CUX2: variants seen among roughly 807,000 people sequenced by gnomAD.
CUX2 encodes the protein cut like homeobox 2, also known as homeobox protein cut-like 2.
Under a neutral mutation model 144.8 loss-of-function variants are expected in CUX2, and 40 were observed. That is an observed-to-expected ratio of 0.28 (90% confidence interval 0.21 to 0.36). CUX2 has a LOEUF of 0.36. Among genes scored for constraint, CUX2 ranks in the 10% least tolerant of loss-of-function variants. CUX2 has a pLI of 1.00. For missense variants in CUX2, 1,615 were observed against 1,994.0 expected, an observed-to-expected ratio of 0.81 and a Z score of 3.62; for synonymous variants, 827 against 875.6, an observed-to-expected ratio of 0.94 and a Z score of 0.98.
chr12:111,145,909 A>T (rs534832281), intron 1 of CUX2, among the ~76,000 whole-genome samples: 7 of 150,894 alleles, frequency 4.6e-5, no homozygotes, highest in Non-Finnish European at 7.4e-5. Context: ...GTTTCACCAT[A>T]TTGGCCAGGC....
intron 4 of CUX2, among the ~76,000 whole-genome samples, chr12:111,267,810 TTC>T (rs1020476680): frequency 1.3e-5 from 2 of 151,734 alleles, no homozygotes; most frequent in African/African-American, 2.4e-5. Context: ...TCCCTCTCCT[TTC>T]TCTCTCTCTC....
intron 21 of CUX2, among the ~76,000 whole-genome samples, chr12:111,345,311 C>T (rs1888746509): frequency 6.7e-6 from 1 of 150,074 alleles, no homozygotes; most frequent in Non-Finnish European, 1.5e-5. Flanking sequence ...AGCATGGTGA[C>T]GTGCACCTGT....
At chr12:111,072,995 T>G (rs1438324553) in intron 1 of CUX2, among the ~76,000 whole-genome samples, 1 of 152,234 alleles carries the variant, frequency 6.6e-6, no homozygotes, top group Non-Finnish European at 1.5e-5. Context: ...ATGGTCCACT[T>G]AAGAGATAAA....
chr12:111,259,194 A>G (rs1455051451), intron 3 of CUX2, among the ~76,000 whole-genome samples: 6 of 152,022 alleles, frequency 3.9e-5, no homozygotes, highest in Non-Finnish European at 1.5e-5. Context: ...GAGCCACTGT[A>G]CCTGGCCTCA....
intron 1 of CUX2, among the ~76,000 whole-genome samples, chr12:111,115,548 A>G (rs1249389487): frequency 6.6e-6 from 1 of 151,892 alleles, no homozygotes; most frequent in Admixed American, 6.6e-5. Context: ...GCCTTCCAAA[A>G]TGCTGGATAA....
chr12:111,041,615 CTAGG>C (rs1869745316), intron 1 of CUX2, among the ~76,000 whole-genome samples: 1 of 152,326 alleles, frequency 6.6e-6, no homozygotes, highest in African/African-American at 2.4e-5. Context: ...CCTAAGAAAT[CTAGG>C]TGACCAGTGT....
At chr12:111,052,311 G>C (rs952341522) in intron 1 of CUX2, among the ~76,000 whole-genome samples, 2 of 152,094 alleles carry the variant, frequency 1.3e-5, no homozygotes, top group Admixed American at 6.5e-5. Context: ...TAGCTCTGTG[G>C]GTTACTGATG....
chr12:111,118,814 C>T (rs1874454250), intron 1 of CUX2, among the ~76,000 whole-genome samples: 1 of 152,282 alleles, frequency 6.6e-6, no homozygotes, highest in East Asian at 1.9e-4. Flanking sequence ...TTTTACAGGA[C>T]ACACCACCAG....
chr12:111,179,140 G>C (rs1379999938), intron 1 of CUX2, among the ~76,000 whole-genome samples: 1 of 152,134 alleles, frequency 6.6e-6, no homozygotes, highest in African/African-American at 2.4e-5. Flanking sequence ...CCTCCTCATT[G>C]AGGATCCCCT....
rs574104748 is a variant in CUX2, at chr12:111,059,360, C to G, written c.63+25120C>G. Among the ~76,000 whole-genome samples, 2 of 152,214 alleles carry G rather than the reference C, an allele frequency of 1.3e-5. No individual in the cohort carries two copies. Among genetic ancestry groups the G allele is most frequent in the Admixed American group, 1.3e-4 (2 of 15,284 alleles). On this transcript the variant is annotated intron_variant, in intron 1 of 21. Coordinates refer to ENST00000261726, the MANE Select transcript of CUX2 (RefSeq NM_015267.4). This position sits in a 1 kb window ranked among gnomAD's most constrained non-coding sequence, Gnocchi z 5.3. ...GCAAACTGGGTAGAAATAACCATAT[C>G]GCCCAAATGTTCTTGATAAGGCTAG...
In CUX2 at chr12:111,246,685, G is replaced by A. The variant is rs1275352755; in HGVS notation, c.223-17076G>A. Among the ~76,000 whole-genome samples the A allele has an allele frequency of 3.3e-5, 5 of 152,226 alleles. No individual in the cohort carries two copies. The highest frequency in any genetic ancestry group is 1.2e-4 in the African/African-American group (5 of 41,456). On this transcript the variant is annotated intron_variant, in intron 3 of 21. Coordinates refer to ENST00000261726, the MANE Select transcript of CUX2 (RefSeq NM_015267.4). The surrounding 1 kb of genome is among the most constrained non-coding windows in gnomAD (Gnocchi z 4.0). ...CCACGTTTGCAAAGTTGGACTTAGA[G>A]GAATGGACTGTGGGTGTTGTCTGGC... is the stretch of plus-strand genomic sequence containing the variant.
Position 111,074,693 on chromosome 12 carries a change from A to G in CUX2, c.63+40453A>G, listed in dbSNP as rs186675597. ...TGGGGGGTTGTGGGCACCAGAACCAACTGCATTGATTTCTGGCTGCAGTTC... is the reference window on the plus strand; with the variant it reads ...TGGGGGGTTGTGGGCACCAGAACCAGCTGCATTGATTTCTGGCTGCAGTTC... On this transcript the variant is annotated intron_variant, in intron 1 of 21. Transcript: ENST00000261726. Among the ~76,000 whole-genome samples, 340 of 152,154 alleles carry G rather than the reference A, an allele frequency of 2.2e-3. 7 individuals are homozygous for G. Among genetic ancestry groups the G allele is most frequent in the African/African-American group, 7.8e-3 (321 of 41,414 alleles).
In CUX2 at chr12:111,348,029, T is replaced by C. The variant is rs1888895542; in HGVS notation, c.4165T>C (p.Cys1389Arg). ...TAAGTCAGCCTCAGAGTCCTCACGC[T>C]GCAGCCTGGAGGTGTCACTGAACTC... Reference protein sequence around the residue: ...SFKSASESSRCSLEVSLNSPS... With the variant: ...SFKSASESSRRSLEVSLNSPS... The change falls in exon 22 of 22, where the codon TGC becomes CGC. Residue 1389 changes from cysteine to arginine, a missense_variant. Physicochemically the swap from Cys to Arg is radical, Grantham distance 180. Around this residue, in one of 12 missense-constraint regions of CUX2, gnomAD observed 298 missense variants for 330.4 expected, o/e 0.90. Transcript: ENST00000261726. The C allele has an allele frequency of 6.2e-7, 1 of 1,614,010 alleles. No individual in the cohort carries two copies. The highest frequency in any genetic ancestry group is 8.5e-7 in the Non-Finnish European group (1 of 1,180,036).
intron 3 of CUX2, among the ~76,000 whole-genome samples, chr12:111,236,447 G>A (rs555538678): frequency 5.3e-5 from 8 of 152,314 alleles, no homozygotes; most frequent in South Asian, 4.1e-4. Context: ...TGACTGAGGC[G>A]TAAAGACCAG....
At chr12:111,247,429 G>A (rs1395789593) in intron 3 of CUX2, among the ~76,000 whole-genome samples, 5 of 152,352 alleles carry the variant, frequency 3.3e-5, no homozygotes, top group Admixed American at 6.5e-5. Flanking sequence ...TTTTAGCTCC[G>A]CTCTTCTGAG....
intron 1 of CUX2, among the ~76,000 whole-genome samples, chr12:111,165,366 G>A (rs1878071452): frequency 6.6e-6 from 1 of 152,252 alleles, no homozygotes. Flanking sequence ...CATTGAGGCA[G>A]TGGCCTCCAG....
intron 3 of CUX2, among the ~76,000 whole-genome samples, chr12:111,243,623 C>T (rs1883139310): frequency 6.6e-6 from 1 of 151,162 alleles, no homozygotes; most frequent in African/African-American, 2.4e-5. Context: ...CCCACCTCAG[C>T]CTCCCAAGTA....
chr12:111,232,563 C>G (rs1189107154), intron 3 of CUX2, among the ~76,000 whole-genome samples: 2 of 152,104 alleles, frequency 1.3e-5, no homozygotes, highest in Non-Finnish European at 2.9e-5. Context: ...TATATGCAAA[C>G]AATACACCAT....
intron 1 of CUX2, among the ~76,000 whole-genome samples, chr12:111,063,440 C>T (rs1870876973): frequency 1.3e-5 from 2 of 151,936 alleles, no homozygotes; most frequent in East Asian, 1.9e-4. Context: ...GCATGTGAGA[C>T]GCTGTGCTAG....
Sources: allele counts gnomAD v4.1 joint callset (sites outside exome capture counted in the v4.1 genomes callset), GRCh38; gene constraint gnomAD v4.1.1; regional missense constraint gnomAD v4.1.1; non-coding constraint Gnocchi (gnomAD v3.1); transcripts MANE v1.5; gene names NCBI Gene and HGNC (gene_info 2026-07-23, HGNC 2026-07-21).